TENM1: variants seen among roughly 807,000 people sequenced by gnomAD.
TENM1 encodes the protein teneurin-1.
Under a neutral mutation model 174.8 loss-of-function variants are expected in TENM1, and 35 were observed. The observed-to-expected ratio is 0.20, with a 90% CI of 0.15 to 0.27. TENM1 has a LOEUF of 0.27. TENM1 is among the 10% of genes least tolerant of loss of function. TENM1 has a pLI of 1.00. For missense variants in TENM1, 1,633 were observed against 2,130.1 expected (o/e 0.77, Z 4.59); for synonymous variants, 781 against 798.7 (o/e 0.98, Z 0.37).
At chrX:124,908,904 G>A (rs905019522) in intron 1 of TENM1, among the ~76,000 whole-genome samples, 1 of 107,921 alleles carries the variant, frequency 9.3e-6, no homozygotes, top group Non-Finnish European at 1.9e-5. Context: ...TGTCTCCCAG[G>A]CTGGAGTGCA....
intron 27 of TENM1, among the ~76,000 whole-genome samples, chrX:124,404,241 G>C (rs1022427682): frequency 2.7e-5 from 3 of 111,499 alleles, no homozygotes. Context: ...ATTATTTCCC[G>C]CAGGCTGGCA....
intron 18 of TENM1, among the ~76,000 whole-genome samples, chrX:124,518,149 A>G (rs985278834): frequency 9.0e-6 from 1 of 110,885 alleles, no homozygotes; most frequent in Non-Finnish European, 1.9e-5. Context: ...AGAAGGCAAG[A>G]GAGAGCATGG....
chrX:124,474,443 GCCTCTAAAATATTA>G (rs2061366087), intron 22 of TENM1, among the ~76,000 whole-genome samples: 1 of 111,485 alleles, frequency 9.0e-6, no homozygotes, highest in African/African-American at 3.3e-5. Context: ...ATGTTATCTG[GCCTCTAAAATATTA>G]CCTCTGTGCT....
intron 1 of TENM1, among the ~76,000 whole-genome samples, chrX:124,943,798 T>G (rs779271396): frequency 8.9e-6 from 1 of 112,019 alleles, no homozygotes; most frequent in Non-Finnish European, 1.9e-5. Context: ...TTTCCACTTC[T>G]CATGAATTGT....
At chrX:124,467,654 G>A (rs1455219540) in intron 22 of TENM1, among the ~76,000 whole-genome samples, 1 of 112,116 alleles carries the variant, frequency 8.9e-6, no homozygotes, top group Admixed American at 9.4e-5. Flanking sequence ...ATTTCTATAG[G>A]AGTGAAAGTC....
At chrX:124,927,681 G>A (rs1338703622) in intron 1 of TENM1, among the ~76,000 whole-genome samples, 2 of 111,417 alleles carry the variant, frequency 1.8e-5, no homozygotes, top group Non-Finnish European at 3.8e-5. Context: ...AAATACCAAA[G>A]CTTGGATCAA....
intron 1 of TENM1, among the ~76,000 whole-genome samples, chrX:124,897,052 T>G (rs1261588975): frequency 9.0e-6 from 1 of 111,433 alleles, no homozygotes; most frequent in African/African-American, 3.3e-5. Flanking sequence ...TATTTTTTCA[T>G]AGCTCACATC....
intron 3 of TENM1, among the ~76,000 whole-genome samples, chrX:124,788,347 T>C (rs890263535): frequency 1.1e-4 from 12 of 111,473 alleles, no homozygotes; most frequent in African/African-American, 2.3e-4. Flanking sequence ...CATACCATTC[T>C]GTACCTGGCC....
intron 25 of TENM1, among the ~76,000 whole-genome samples, chrX:124,417,915 G>C (rs2060612103): frequency 1.8e-5 from 2 of 111,548 alleles, no homozygotes; most frequent in Non-Finnish European, 3.8e-5. Flanking sequence ...TATAAGTCCT[G>C]ATAGCTCTAC....
At chrX:124,421,566 G>T (rs754918995) in intron 24 of TENM1, among the ~76,000 whole-genome samples, 1 of 110,248 alleles carries the variant, frequency 9.1e-6, no homozygotes, top group African/African-American at 3.3e-5. Flanking sequence ...ACATTAAGAG[G>T]ACCGTTTGCC....
At chrX:124,866,943 T>A (rs2057019931) in intron 3 of TENM1, among the ~76,000 whole-genome samples, 1 of 111,152 alleles carries the variant, frequency 9.0e-6, no homozygotes, top group Non-Finnish European at 1.9e-5. Flanking sequence ...AAGATTGAAC[T>A]AGGAAAAAAT....
At chrX:124,527,854 C>T (rs2048016025) in intron 16 of TENM1, among the ~76,000 whole-genome samples, 1 of 100,294 alleles carries the variant, frequency 1.0e-5, no homozygotes, top group Non-Finnish European at 2.0e-5. Context: ...GACGGGGTTT[C>T]ACCGTGTTAG....
chrX:124,735,932 A>G (rs1245666419), intron 4 of TENM1, among the ~76,000 whole-genome samples: 1 of 111,459 alleles, frequency 9.0e-6, no homozygotes, highest in African/African-American at 3.3e-5. Flanking sequence ...GACTCCAAAA[A>G]AGGGAGGATG....
Position 124,830,315 on chromosome X carries a change from C to T in TENM1, c.535+63981G>A, listed in dbSNP as rs113808618. 4.7e-3 allele frequency among the ~76,000 whole-genome samples: 524 copies of T among 111,508 alleles called. 3 individuals are homozygous for T. The highest frequency in any genetic ancestry group is 0.016 in the African/African-American group (490 of 30,639). ...AAGTGGTGCTGCTTCAGAAACTGAGCGAAAACATTTGACACAGAACAGGGG... is the reference window on the plus strand; with the variant it reads ...AAGTGGTGCTGCTTCAGAAACTGAGTGAAAACATTTGACACAGAACAGGGG... On this transcript the variant is annotated intron_variant, in intron 3 of 31. Coordinates refer to ENST00000422452, the Ensembl canonical transcript of TENM1.
At chrX:124,405,313 G>A in intron 26 of TENM1, 47 bp from the exon 30 acceptor site, 3 of 1,066,251 alleles carry the variant, frequency 2.8e-6, no homozygotes, top group Non-Finnish European at 3.9e-6. Context: ...GAAGGGAAGA[G>A]CAGGAAGCAG....
chrX:124,614,743 C>T (rs1371823083), intron 11 of TENM1, among the ~76,000 whole-genome samples: 5 of 111,989 alleles, frequency 4.5e-5, no homozygotes, highest in Admixed American at 9.4e-5. Flanking sequence ...ATTAGCTGGG[C>T]GTGGTGGTGC....
intron 1 of TENM1, among the ~76,000 whole-genome samples, chrX:124,922,226 G>C (rs2058033050): frequency 9.0e-6 from 1 of 111,340 alleles, no homozygotes; most frequent in Admixed American, 9.6e-5. Flanking sequence ...GAAATTTCTA[G>C]ATGCTATTCC....
intron 6 of TENM1, among the ~76,000 whole-genome samples, chrX:124,664,485 C>T (rs1180421516): frequency 2.3e-5 from 2 of 85,243 alleles, no homozygotes; most frequent in East Asian, 8.3e-4. Context: ...CCACAATTGG[C>T]ATTGTATAAA....
the TENM1 span, among the ~76,000 whole-genome samples, chrX:125,171,844 T>C: frequency 8.9e-6 from 1 of 111,957 alleles, no homozygotes; most frequent in East Asian, 2.8e-4. Context: ...AGCCTCAATA[T>C]ACCATAAAAA....
Sources: gnomAD v4.1 joint callset for allele counts (sites outside exome capture counted in the v4.1 genomes callset) on GRCh38, gnomAD v4.1.1 for gene constraint, MANE v1.5 for transcripts, NCBI Gene and HGNC (gene_info 2026-07-23, HGNC 2026-07-21) for gene names.